DAB1: variants seen among roughly 807,000 people sequenced by gnomAD.
DAB1 encodes the protein disabled homolog 1.
In DAB1, 15 loss-of-function variants were observed where a neutral mutation model predicts 64.6. The ratio of observed to expected loss-of-function variants is 0.23; its 90% confidence interval spans 0.16 to 0.36. The LOEUF (loss-of-function observed/expected upper bound fraction) is 0.36. Ranked by LOEUF, DAB1 falls within the 10% of genes least tolerant of loss-of-function variation. The probability of loss-of-function intolerance (pLI) is 1.00; values close to 1 mark genes in which losing one functional copy is unlikely to be tolerated. For missense variants in DAB1, 596 were observed against 706.7 expected, an observed-to-expected ratio of 0.84 and a Z score of 1.78; for synonymous variants, 235 against 251.9, an observed-to-expected ratio of 0.93 and a Z score of 0.64.
At chr1:57,173,540 AC>A (rs1662001088) in intron 2 of DAB1, among the ~76,000 whole-genome samples, 1 of 152,186 alleles carries the variant, frequency 6.6e-6, no homozygotes, top group Non-Finnish European at 1.5e-5. Flanking sequence ...AAATCCAAAA[AC>A]ATCTGAAACC....
chr1:58,283,265 A>T (rs1413572185), intron 4 of DAB1, among the ~76,000 whole-genome samples: 2 of 152,126 alleles, frequency 1.3e-5, no homozygotes, highest in Non-Finnish European at 2.9e-5. Flanking sequence ...TTTGTATTTC[A>T]TAAGTATCTT....
At chr1:58,238,704 C>G (rs779694141) in intron 4 of DAB1, among the ~76,000 whole-genome samples, 2 of 152,098 alleles carry the variant, frequency 1.3e-5, no homozygotes, top group African/African-American at 2.4e-5. Flanking sequence ...GTACTTCCAG[C>G]CTCTCTCTTC....
intron 7 of DAB1, among the ~76,000 whole-genome samples, chr1:57,448,718 C>A (rs946834425): frequency 6.6e-6 from 1 of 151,988 alleles, no homozygotes; most frequent in African/African-American, 2.4e-5. Flanking sequence ...ATATAGGACA[C>A]GATTTGATCT....
intron 7 of DAB1, among the ~76,000 whole-genome samples, chr1:57,583,368 C>A (rs571520594): frequency 6.7e-4 from 102 of 151,424 alleles, no homozygotes; most frequent in Admixed American, 1.5e-3. Flanking sequence ...CTCACTGACA[C>A]CTCTGCCTCC....
At chr1:57,107,620 C>A (rs1331058934) in intron 4 of DAB1, among the ~76,000 whole-genome samples, 1 of 151,918 alleles carries the variant, frequency 6.6e-6, no homozygotes, top group Non-Finnish European at 1.5e-5. Flanking sequence ...GAACTGAGGA[C>A]CAACAGCCCA....
At chr1:58,286,989 T>C (rs1661700500) in intron 4 of DAB1, among the ~76,000 whole-genome samples, 1 of 152,156 alleles carries the variant, frequency 6.6e-6, no homozygotes, top group Non-Finnish European at 1.5e-5. Flanking sequence ...TATGCATCCA[T>C]AAAAAGGAAT....
At chr1:57,194,193 GACCATTA>G (rs1664420206) in intron 2 of DAB1, among the ~76,000 whole-genome samples, 1 of 152,154 alleles carries the variant, frequency 6.6e-6, no homozygotes, top group Admixed American at 6.5e-5. Flanking sequence ...CAGAGTAACT[GACCATTA>G]CGGCTGTTTT....
intron 1 of DAB1, among the ~76,000 whole-genome samples, chr1:57,302,323 C>A (rs594152): frequency 0.055 from 8,386 of 152,242 alleles, 388 homozygotes; most frequent in African/African-American, 0.11. Context: ...CGTAAAAATT[C>A]AATCACACTT....
rs150329090 is a variant in DAB1 at position 57,433,296 on chromosome 1, T to G, written n.626-142130A>C. On this transcript the variant is annotated intron_variant and non_coding_transcript_variant, in intron 7 of 20. Coordinates refer to the DAB1 transcript ENST00000485760. ...AAGAACAAAGTTAGAAGGTTTATCC[T>G]ACCTGATTTCAAGACTTACTAGAAA... Among the ~76,000 whole-genome samples the G allele has an allele frequency of 5.7e-3, 871 of 152,268 alleles. 10 individuals are homozygous for G. Among genetic ancestry groups the G allele is most frequent in the African/African-American group, 0.02 (840 of 41,578 alleles).
At chr1:57,335,122 G>A (rs1317208713) in intron 1 of DAB1, among the ~76,000 whole-genome samples, 1 of 152,132 alleles carries the variant, frequency 6.6e-6, no homozygotes, top group Non-Finnish European at 1.5e-5. Flanking sequence ...CATCTGTTAA[G>A]TGTGTGAATT....
chr1:57,129,632 C>A (rs947096707), intron 4 of DAB1, among the ~76,000 whole-genome samples: 2 of 152,116 alleles, frequency 1.3e-5, no homozygotes, highest in Non-Finnish European at 2.9e-5. Flanking sequence ...ATGTTCAAGT[C>A]TAGGATTTTG....
intron 2 of DAB1, among the ~76,000 whole-genome samples, chr1:57,289,305 T>C (rs1489322326): frequency 6.6e-6 from 1 of 152,268 alleles, no homozygotes; most frequent in East Asian, 1.9e-4. Context: ...AGTGCAGGTT[T>C]AGTGGAAAGG....
At chr1:57,630,889 A>G (rs891238377) in intron 7 of DAB1, among the ~76,000 whole-genome samples, 9 of 152,232 alleles carry the variant, frequency 5.9e-5, no homozygotes, top group Non-Finnish European at 1.2e-4. Context: ...TACAAAGTCT[A>G]CAAGTCTAAA....
chr1:57,205,800 G>A (rs1220556037), intron 2 of DAB1, among the ~76,000 whole-genome samples: 1 of 152,158 alleles, frequency 6.6e-6, no homozygotes, highest in African/African-American at 2.4e-5. Context: ...TAGCAAACAA[G>A]CTTAACAAAC....
At chr1:58,399,212 G>A (rs569564110) in intron 3 of DAB1, among the ~76,000 whole-genome samples, 1 of 152,368 alleles carries the variant, frequency 6.6e-6, no homozygotes, top group Non-Finnish European at 1.5e-5. Flanking sequence ...GCTTTGAAGT[G>A]TACAAAATAA....
intron 5 of DAB1, among the ~76,000 whole-genome samples, chr1:57,985,954 G>C (rs767482524): frequency 2.0e-5 from 3 of 152,158 alleles, no homozygotes; most frequent in Non-Finnish European, 2.9e-5. Flanking sequence ...CTATGAGATA[G>C]GTATTGTTAT....
chr1:58,289,361 C>T (rs1466980495), intron 4 of DAB1, among the ~76,000 whole-genome samples: 1 of 152,132 alleles, frequency 6.6e-6, no homozygotes, highest in Non-Finnish European at 1.5e-5. Context: ...GTGACTTCCT[C>T]AAGATCATTT....
At chr1:57,142,529 G>C (rs1327224351) in intron 3 of DAB1, among the ~76,000 whole-genome samples, 1 of 150,710 alleles carries the variant, frequency 6.6e-6, no homozygotes, top group Non-Finnish European at 1.5e-5. Context: ...TGTTATAGTA[G>C]GACAAACTCT....
intron 6 of DAB1, among the ~76,000 whole-genome samples, chr1:57,659,615 T>C (rs535372910): frequency 8.5e-5 from 13 of 152,198 alleles, no homozygotes; most frequent in Middle Eastern, 3.4e-3. Context: ...ATGAGTAAAA[T>C]AAGGAGTTTT....
Sources: gnomAD v4.1 joint callset for allele counts (sites outside exome capture counted in the v4.1 genomes callset) on GRCh38, gnomAD v4.1.1 for gene constraint, MANE v1.5 for transcripts, NCBI Gene and HGNC (gene_info 2026-07-23, HGNC 2026-07-21) for gene names.